The following ADRA1B variants were observed in gnomAD, a reference collection of about 807,000 sequenced individuals.
ADRA1B encodes adrenoceptor alpha 1B.
Under a neutral mutation model 17.9 loss-of-function variants are expected in ADRA1B, and 17 were observed. The ratio of observed to expected loss-of-function variants is 0.95; its 90% CI spans 0.65 to 1.42. ADRA1B has a LOEUF of 1.42. Among genes scored for constraint, ADRA1B ranks in the 40% most tolerant of loss-of-function variants. The probability of loss-of-function intolerance (pLI) is 0.00; values close to 1 mark genes in which losing one functional copy is unlikely to be tolerated. For missense variants in ADRA1B, 681 were observed against 722.1 expected (o/e 0.94, Z 0.65); for synonymous variants, 366 against 327.6 (o/e 1.12, Z -1.27).
chr5:159,942,738 A>C (rs992469234), intron 1 of ADRA1B, among the ~76,000 whole-genome samples: 4 of 152,188 alleles, frequency 2.6e-5, no homozygotes, highest in African/African-American at 9.7e-5. Context: ...TAAATCCCAA[A>C]TATTCTATTT....
chr5:159,873,429 G>GTACCCTTGGC (rs1261054367), intron 1 of ADRA1B, among the ~76,000 whole-genome samples: 1 of 152,168 alleles, frequency 6.6e-6, no homozygotes, highest in Non-Finnish European at 1.5e-5. Flanking sequence ...CAGCTGCAGA[G>GTACCCTTGGC]AGCCACCTTG....
the ADRA1B span, among the ~76,000 whole-genome samples, chr5:159,987,101 G>A: frequency 4.6e-5 from 7 of 152,226 alleles, no homozygotes; most frequent in Non-Finnish European, 7.3e-5. Context: ...GGGGAGCCGG[G>A]CCTACGGGCT....
intron 1 of ADRA1B, among the ~76,000 whole-genome samples, chr5:159,939,312 TGTGTGTGTGTGCGCGC>T (rs1281760839): frequency 1.9e-4 from 25 of 133,558 alleles, no homozygotes; most frequent in African/African-American, 7.4e-4. Flanking sequence ...TGTGTGTGTG[TGTGTGTGTGTGCGCGC>T]GCGCGCGCAC....
the ADRA1B span, among the ~76,000 whole-genome samples, chr5:159,979,091 C>T: frequency 1.3e-5 from 2 of 151,880 alleles, no homozygotes; most frequent in South Asian, 2.1e-4. Flanking sequence ...TTTGGGAGGC[C>T]GAGGCAAGAG....
intron 1 of ADRA1B, among the ~76,000 whole-genome samples, chr5:159,883,962 C>A (rs1432509945): frequency 6.6e-6 from 1 of 152,178 alleles, no homozygotes. Context: ...CCAAACACAT[C>A]ACTTTTACTT....
At chr5:159,956,404 A>G (rs1320825385) in intron 1 of ADRA1B, among the ~76,000 whole-genome samples, 2 of 150,078 alleles carry the variant, frequency 1.3e-5, no homozygotes, top group African/African-American at 5.1e-5. Context: ...ATACCAAAAC[A>G]CACACACAGA....
upstream of ADRA1B, among the ~76,000 whole-genome samples, chr5:159,915,118 C>T (rs1754269473): frequency 6.6e-6 from 1 of 152,202 alleles, no homozygotes; most frequent in Non-Finnish European, 1.5e-5. Context: ...CCAAAATTAA[C>T]TACTCAAAAG....
chr5:159,887,186 G>C (rs1371635473), intron 1 of ADRA1B, among the ~76,000 whole-genome samples: 1 of 152,180 alleles, frequency 6.6e-6, no homozygotes, highest in African/African-American at 2.4e-5. Context: ...CAGTGCACTT[G>C]AGCTTTAACC....
At chr5:159,984,094 G>A in the ADRA1B span, among the ~76,000 whole-genome samples, 3 of 151,840 alleles carry the variant, frequency 2.0e-5, no homozygotes, top group Non-Finnish European at 2.9e-5. Context: ...TTCCAACCTC[G>A]CTGACCACTC....
At chr5:159,879,324 G>C (rs1753832113) in intron 1 of ADRA1B, among the ~76,000 whole-genome samples, 1 of 152,166 alleles carries the variant, frequency 6.6e-6, no homozygotes, top group Non-Finnish European at 1.5e-5. Flanking sequence ...CACAGCTCTG[G>C]AGTGACACAG....
At chr5:159,899,589 T>A (rs1388471162) in intron 1 of ADRA1B, among the ~76,000 whole-genome samples, 2 of 152,164 alleles carry the variant, frequency 1.3e-5, no homozygotes, top group Non-Finnish European at 1.5e-5. Flanking sequence ...TCTGCACAGC[T>A]CCAAAAGGGT....
intron 1 of ADRA1B, among the ~76,000 whole-genome samples, chr5:159,957,258 CTT>C (rs1755572140): frequency 6.6e-6 from 1 of 151,988 alleles, no homozygotes; most frequent in Non-Finnish European, 1.5e-5. Context: ...AATCCCAGCA[CTT>C]TGAAAGACTG....
chr5:159,947,307 A>G (rs1755301054), intron 1 of ADRA1B, among the ~76,000 whole-genome samples: 1 of 152,088 alleles, frequency 6.6e-6, no homozygotes. Context: ...GCACCACCGC[A>G]CTCTAGCCTG....
At position 159,873,722 on chromosome 5, in the gene ADRA1B, C is replaced by A. The variant is rs184417770; in HGVS notation, c.-256+8516C>A. 1.8e-4 allele frequency among the ~76,000 whole-genome samples: 28 copies of A among 152,292 alleles called. 1 individual carries two copies. The East Asian group carries it at 4.2e-3, about 23-fold the overall frequency. The stretch of plus-strand genomic sequence containing the variant: ...ACAGGAGTGAAAGCCATGGCAATGA[C>A]CATCGTGGAGGTGGTTTCACCTCCT... On this transcript the variant is annotated intron_variant, in intron 1 of 2. Coordinates refer to the ADRA1B transcript ENST00000641205.
At chr5:159,871,673 T>G (rs1305449849) in intron 1 of ADRA1B, among the ~76,000 whole-genome samples, 1 of 151,944 alleles carries the variant, frequency 6.6e-6, no homozygotes, top group African/African-American at 2.4e-5. Flanking sequence ...CCATTTCCAT[T>G]AAAGTCACAT....
intron 1 of ADRA1B, among the ~76,000 whole-genome samples, chr5:159,966,482 C>T (rs1755778023): frequency 6.6e-6 from 1 of 152,142 alleles, no homozygotes; most frequent in African/African-American, 2.4e-5. Flanking sequence ...CAGGGAGTCC[C>T]ATTCCAATAA....
At chr5:159,986,963 A>G in the ADRA1B span, among the ~76,000 whole-genome samples, 2 of 152,176 alleles carry the variant, frequency 1.3e-5, no homozygotes, top group Non-Finnish European at 2.9e-5. Flanking sequence ...TGCTGCTTCC[A>G]GGTGTAACTT....
At chr5:159,971,734 C>T (rs1413712132) in intron 1 of ADRA1B, 145 bp from the exon 2 acceptor site, 3 of 770,376 alleles carry the variant, frequency 3.9e-6, no homozygotes, top group African/African-American at 3.6e-5. Context: ...GGAAGTATTC[C>T]GGGCAGAGGA....
intron 1 of ADRA1B, among the ~76,000 whole-genome samples, chr5:159,894,637 T>C (rs777517537): frequency 6.6e-6 from 1 of 152,160 alleles, no homozygotes; most frequent in Non-Finnish European, 1.5e-5. Flanking sequence ...TTCAGTGTTA[T>C]GGAGAGGAAT....
Sources: gnomAD v4.1 joint callset for allele counts (sites outside exome capture counted in the v4.1 genomes callset) on GRCh38, gnomAD v4.1.1 for gene constraint, MANE v1.5 for transcripts, NCBI Gene and HGNC (gene_info 2026-07-23, HGNC 2026-07-21) for gene names.